RHOT1: variants seen among roughly 807,000 people sequenced by gnomAD.
RHOT1 encodes the protein mitochondrial Rho GTPase 1.
A neutral mutation model predicts 95.3 loss-of-function variants in RHOT1; 27 were observed. The ratio of observed to expected loss-of-function variants is 0.28; its 90% CI spans 0.21 to 0.39. RHOT1 has a LOEUF of 0.39. RHOT1 is among the 10% of genes least tolerant of loss of function. The pLI, the probability that RHOT1 is intolerant of heterozygous loss-of-function variation, is 1.00. For missense variants in RHOT1, 578 were observed against 786.7 expected, an observed-to-expected ratio of 0.73 and a Z score of 3.17; for synonymous variants, 227 against 263.5, an observed-to-expected ratio of 0.86 and a Z score of 1.34.
intron 19 of RHOT1, among the ~76,000 whole-genome samples, chr17:32,213,611 T>C (rs971384767): frequency 1.3e-5 from 2 of 152,220 alleles, no homozygotes; most frequent in African/African-American, 4.8e-5. Context: ...GATCTACCAA[T>C]ATCATAATTT....
intron 1 of RHOT1, chr17:32,143,020 C>T (rs1317669284): frequency 1.4e-6 from 1 of 702,916 alleles, no homozygotes; most frequent in African/African-American, 1.8e-5. Context: ...CCCTAACCGC[C>T]CGACCTCATC....
chr17:32,194,095 A>G lies in RHOT1; in HGVS notation c.857A>G (p.Tyr286Cys). The G allele has an allele frequency of 6.2e-7, 1 of 1,613,836 alleles. No individual in the cohort carries two copies. Among genetic ancestry groups the G allele is most frequent in the South Asian group, 1.1e-5 (1 of 91,050 alleles). ...GATGACCTGGATTTGACACCTGAAT[A>G]TTTGTTCCCCCTGTATGTACCTTTG... Reference protein sequence around the residue: ...YDDDLDLTPEYLFPLLKIPPD... With the variant: ...YDDDLDLTPECLFPLLKIPPD... Residue 286 changes from tyrosine (Y) to cysteine (C), a missense_variant, in exon 11 of 20, where the codon TAT becomes TGT. Physicochemically the swap from Tyr to Cys is radical, Grantham distance 194 (BLOSUM62 -2). Transcript: ENST00000545287.
chr17:32,196,181 C>CT (rs1226938688), intron 11 of RHOT1, among the ~76,000 whole-genome samples: 2,408 of 134,512 alleles, frequency 0.018, 31 homozygotes, highest in Non-Finnish European at 0.027. Flanking sequence ...CAAGCTGCTG[C>CT]TTTTTTTTTT....
At chr17:32,162,552 C>A (rs563699814) in intron 1 of RHOT1, among the ~76,000 whole-genome samples, 1 of 152,216 alleles carries the variant, frequency 6.6e-6, no homozygotes, top group South Asian at 2.1e-4. Context: ...CCAGAATCTC[C>A]AGGAGGTGGG....
At chr17:32,203,376 G>A (rs1598432578) in intron 15 of RHOT1, among the ~76,000 whole-genome samples, 1 of 147,998 alleles carries the variant, frequency 6.8e-6, no homozygotes, top group Non-Finnish European at 1.5e-5. Flanking sequence ...CCTGGGCTTA[G>A]GTGATCCTCC....
intron 1 of RHOT1, among the ~76,000 whole-genome samples, chr17:32,157,177 C>G (rs2033047558): frequency 6.6e-6 from 1 of 152,188 alleles, no homozygotes; most frequent in East Asian, 1.9e-4. Flanking sequence ...TCATTTGAAG[C>G]TCCCTTCCCA....
chr17:32,199,498 T>A lies in RHOT1; in HGVS notation c.1048T>A (p.Cys350Ser). Residue 350 changes from cysteine to serine, a missense_variant, in exon 13 of 20, where the codon TGT becomes AGT. This residue lies in a region of RHOT1 where 227 missense variants were observed against 316.0 expected (regional missense o/e 0.72). Coordinates refer to ENST00000545287, the MANE Select transcript of RHOT1 (RefSeq NM_001033566.3). ...GGGGCCAGATGTGAATAACACAGTTTGTACCAATGAAAGAGGCTGGATAAC... is the reference window on the plus strand; with the variant it reads ...GGGGCCAGATGTGAATAACACAGTTAGTACCAATGAAAGAGGCTGGATAAC... ...PWGPDVNNTV[C>S]TNERGWITYQ... 1.2e-6 allele frequency: 2 copies of A among 1,613,064 alleles called. No homozygotes were observed. The highest frequency in any genetic ancestry group is 1.3e-5 in the African/African-American group (1 of 75,002).
At chr17:32,216,403 A>T (rs774837779) in intron 19 of RHOT1, among the ~76,000 whole-genome samples, 29 of 151,894 alleles carry the variant, frequency 1.9e-4, no homozygotes, top group Non-Finnish European at 3.5e-4. Context: ...GATTTCTTTC[A>T]TTCTATTTTA....
In RHOT1 at chr17:32,183,248, C is replaced by T; in HGVS notation, c.516C>T (p.Pro172=). 6.6e-7 allele frequency: 1 copy of T among 1,507,130 alleles called. No individual in the cohort carries two copies. Among genetic ancestry groups the T allele is most frequent in the Non-Finnish European group, 8.9e-7 (1 of 1,124,184 alleles). 93.4% of individuals were successfully genotyped at this position (1,507,130 alleles called of 1,614,324 possible). A position where few individuals can be genotyped will look rare whatever the true frequency, so the allele number is the denominator to read the frequency against. Residue 172 remains proline, a synonymous_variant, in exon 8 of 20, where the codon CCC becomes CCT. Transcript: ENST00000545287. ...AAGCTGTTCTTCATCCTACAGGGCCCCTGTACTGCCCAGAGGAGAAGGAGG... is the reference window on the plus strand; with the variant it reads ...AAGCTGTTCTTCATCCTACAGGGCCTCTGTACTGCCCAGAGGAGAAGGAGG... ...AQKAVLHPTG[P]LYCPEEKEMK...
intron 1 of RHOT1, among the ~76,000 whole-genome samples, chr17:32,156,017 T>G (rs1032537426): frequency 7.2e-5 from 11 of 152,164 alleles, no homozygotes; most frequent in Non-Finnish European, 1.3e-4. Context: ...AGGTTTGGGA[T>G]TGCTGGAACC....
At chr17:32,192,381 AAAC>A (rs1425807763) in intron 9 of RHOT1, 82 bp downstream of exon 9, 1 of 767,088 alleles carries the variant, frequency 1.3e-6, no homozygotes, top group Non-Finnish European at 2.2e-6. Flanking sequence ...GTGTTAGCTT[AAAC>A]AACAAGAACA....
At chr17:32,201,764 C>T (rs995856119) in intron 14 of RHOT1, among the ~76,000 whole-genome samples, 1 of 152,184 alleles carries the variant, frequency 6.6e-6, no homozygotes, top group African/African-American at 2.4e-5. Flanking sequence ...TAATGTTTCA[C>T]AATATGGATG....
intron 1 of RHOT1, among the ~76,000 whole-genome samples, chr17:32,157,519 A>G (rs910645764): frequency 1.3e-5 from 2 of 152,214 alleles, no homozygotes; most frequent in African/African-American, 4.8e-5. Flanking sequence ...AGAGTTAAGA[A>G]TACATGTGTT....
At chr17:32,203,220 A>G (rs1399512822) in intron 15 of RHOT1, among the ~76,000 whole-genome samples, 2 of 140,908 alleles carry the variant, frequency 1.4e-5, no homozygotes, top group Non-Finnish European at 3.1e-5. Context: ...AGTTCTTACT[A>G]CTCCCTTGAG....
intron 8 of RHOT1, among the ~76,000 whole-genome samples, chr17:32,185,806 A>C (rs2036003520): frequency 1.4e-5 from 2 of 147,940 alleles, no homozygotes; most frequent in East Asian, 2.0e-4. Flanking sequence ...CTGCGGCCTC[A>C]AACTCCAAGG....
chr17:32,156,390 T>C (rs111262803), intron 1 of RHOT1, among the ~76,000 whole-genome samples: 1,716 of 152,000 alleles, frequency 0.011, 30 homozygotes, highest in African/African-American at 0.039. Context: ...CCTCAGCCTC[T>C]CAAGTAGCTG....
intron 6 of RHOT1, among the ~76,000 whole-genome samples, chr17:32,178,253 G>A (rs1380456916): frequency 2.1e-5 from 3 of 142,976 alleles, no homozygotes; most frequent in African/African-American, 5.1e-5. Context: ...CTGTACTGCC[G>A]TGATCTCGGC....
intron 11 of RHOT1, among the ~76,000 whole-genome samples, chr17:32,197,486 G>A (rs532027724): frequency 2.6e-5 from 4 of 151,532 alleles, no homozygotes; most frequent in Non-Finnish European, 2.9e-5. Flanking sequence ...GTGCAGTGGC[G>A]TGATCTCGAC....
At chr17:32,211,305 A>G (rs1248919595) in intron 19 of RHOT1, 67 bp downstream of exon 19, 2 of 1,454,910 alleles carry the variant, frequency 1.4e-6, no homozygotes, top group Non-Finnish European at 1.9e-6. Context: ...GCGGATAACT[A>G]TTTATTATAC....
Sources: allele counts gnomAD v4.1 joint callset (sites outside exome capture counted in the v4.1 genomes callset), GRCh38; gene constraint gnomAD v4.1.1; regional missense constraint gnomAD v4.1.1; transcripts MANE v1.5; gene names NCBI Gene and HGNC (gene_info 2026-07-23, HGNC 2026-07-21).